Variants in CLIP1 observed in about 807,000 individuals in gnomAD.
CLIP1 encodes CAP-Gly domain-containing linker protein 1.
CLIP1 carries 66 observed loss-of-function variants against 161.6 expected under a neutral mutation model. That is an observed-to-expected ratio of 0.41 (90% confidence interval 0.33 to 0.50). The LOEUF (loss-of-function observed/expected upper bound fraction) is 0.50, where lower values mean the gene tolerates loss of function less well. Among genes scored for constraint, CLIP1 ranks in the 20% least tolerant of loss-of-function variants. The probability of loss-of-function intolerance (pLI) is 0.27; values close to 1 mark genes in which losing one functional copy is unlikely to be tolerated. For missense variants in CLIP1, 1,376 were observed against 1,702.0 expected (o/e 0.81, Z 3.37); for synonymous variants, 598 against 626.2 (o/e 0.96, Z 0.67).
chr12:122,353,396 G>A (rs75692700), intron 7 of CLIP1, among the ~76,000 whole-genome samples: 2,022 of 152,202 alleles, frequency 0.013, 46 homozygotes, highest in African/African-American at 0.041. Context: ...TGAAGCTAAG[G>A]TGGACAGACT....
chr12:122,336,962 G>GTT (rs11433673), intron 11 of CLIP1, among the ~76,000 whole-genome samples: 160 of 144,326 alleles, frequency 1.1e-3, no homozygotes, highest in Admixed American at 2.4e-3. Flanking sequence ...CTATTTTTGT[G>GTT]TTTTTTTTTT....
chr12:122,400,231 T>A (rs1301761627), intron 1 of CLIP1: 1 of 152,036 alleles, frequency 6.6e-6, no homozygotes, highest in African/African-American at 2.4e-5. Flanking sequence ...TATTTCTGTA[T>A]ATACAGAAGA....
chr12:122,292,266 G>C (rs938084529), intron 20 of CLIP1, among the ~76,000 whole-genome samples: 1 of 151,690 alleles, frequency 6.6e-6, no homozygotes, highest in Non-Finnish European at 1.5e-5. Context: ...GCCTCCCAAA[G>C]TACTGGGATT....
intron 2 of CLIP1, 86 bp downstream of exon 2, chr12:122,380,282 G>T: frequency 1.9e-5 from 15 of 771,712 alleles, no homozygotes; most frequent in Non-Finnish European, 2.6e-5. Context: ...TCAAGAATAT[G>T]AACAGATATA....
chr12:122,411,228 C>T (rs1045761430), intron 1 of CLIP1, among the ~76,000 whole-genome samples: 2 of 152,066 alleles, frequency 1.3e-5, no homozygotes, highest in African/African-American at 4.8e-5. Context: ...CAAGCCCAGG[C>T]AACATGGCGA....
At chr12:122,421,215 A>C (rs980379446) in intron 1 of CLIP1, among the ~76,000 whole-genome samples, 1 of 151,724 alleles carries the variant, frequency 6.6e-6, no homozygotes, top group African/African-American at 2.4e-5. Context: ...AAGCTAGCCC[A>C]GAGCCTGGCC....
chr12:122,340,416 C>G (rs1952446450), intron 11 of CLIP1, among the ~76,000 whole-genome samples: 1 of 152,186 alleles, frequency 6.6e-6, no homozygotes. Context: ...CATCTTAACA[C>G]CATAGTGTTA....
Position 122,341,606 on chromosome 12 carries a change from A to G in CLIP1, c.1598T>C (p.Leu533Pro), listed in dbSNP as rs370065017. The change falls in exon 11 of 26, where the codon CTA becomes CCA. Residue 533 changes from leucine to proline, a missense_variant. By Grantham distance (98) the Leu-to-Pro change is moderately conservative (BLOSUM62 -3). This residue lies in a region of CLIP1 where 948 missense variants were observed against 1,134.8 expected (regional missense o/e 0.84). Coordinates refer to ENST00000620786, the MANE Select transcript of CLIP1 (RefSeq NM_001247997.2). ...ATCCCCAGCAGGCTTATTGGACTCT[A>G]GCCTTCTTCGGAGCTCAGCTACTTC... is the stretch of plus-strand genomic sequence containing the variant. ...VQEVAELRRR[L>P]ESNKPAGDVD... 61 of 1,613,524 alleles carry G rather than the reference A, an allele frequency of 3.8e-5. No individual in the cohort carries two copies. Among genetic ancestry groups the G allele is most frequent in the Non-Finnish European group, 4.9e-5 (58 of 1,179,998 alleles).
At chr12:122,306,296 G>C (rs1036349646) in intron 20 of CLIP1, among the ~76,000 whole-genome samples, 1 of 151,944 alleles carries the variant, frequency 6.6e-6, no homozygotes, top group Non-Finnish European at 1.5e-5. Context: ...TATCCTACTA[G>C]TTCTGTCCCT....
At chr12:122,365,376 T>C (rs1021030056) in intron 3 of CLIP1, 14 of 906,332 alleles carry the variant, frequency 1.5e-5, no homozygotes, top group Non-Finnish European at 2.6e-5. Flanking sequence ...CTGTTGGCAT[T>C]GTTGTAAACA....
At chr12:122,350,287 G>T (rs1417113420) in intron 9 of CLIP1, among the ~76,000 whole-genome samples, 2 of 152,144 alleles carry the variant, frequency 1.3e-5, no homozygotes, top group Non-Finnish European at 2.9e-5. Flanking sequence ...GTCTTATGTG[G>T]CAGTAAATCA....
chr12:122,334,058 A>G lies in CLIP1; in HGVS notation c.2679T>C (p.Ser893=), dbSNP rs764059044. The G allele has an allele frequency of 6.2e-6, 10 of 1,613,260 alleles. No homozygotes were observed. The highest frequency in any genetic ancestry group is 8.5e-6 in the Non-Finnish European group (10 of 1,179,304). ...AGTTTTCTCTCAGCTTCTCCAAGTC[A>G]GAAGACAGCATGTTAAACTGTTCCT... is the stretch of plus-strand genomic sequence containing the variant. ...QKEEQFNMLS[S]DLEKLRENLA... Residue 893 remains serine, a synonymous_variant, in exon 14 of 26, where the codon TCT becomes TCC. Coordinates refer to ENST00000620786, the MANE Select transcript of CLIP1 (RefSeq NM_001247997.2).
chr12:122,285,855 G>T (rs956826449), intron 21 of CLIP1, among the ~76,000 whole-genome samples: 8 of 147,516 alleles, frequency 5.4e-5, no homozygotes, highest in Non-Finnish European at 1.1e-4. Context: ...TTACATAAGG[G>T]TTTTTTTTTT....
At chr12:122,319,901 T>G (rs1458007009) in intron 17 of CLIP1, among the ~76,000 whole-genome samples, 1 of 152,178 alleles carries the variant, frequency 6.6e-6, no homozygotes, top group African/African-American at 2.4e-5. Flanking sequence ...TTGTGGGTAA[T>G]GAATAAAAAC....
chr12:122,347,347 T>C (rs1398742102), intron 10 of CLIP1, 28 bp downstream of exon 10: 5 of 1,510,116 alleles, frequency 3.3e-6, no homozygotes, highest in Non-Finnish European at 4.6e-6. Context: ...TGCATGGGTC[T>C]GCTTCATTAA....
chr12:122,339,332 G>A (rs979617894), intron 11 of CLIP1, among the ~76,000 whole-genome samples: 46 of 134,200 alleles, frequency 3.4e-4, no homozygotes, highest in African/African-American at 1.6e-3. Context: ...ATTTATCACA[G>A]CATGGGTTTT....
intron 1 of CLIP1, among the ~76,000 whole-genome samples, chr12:122,390,303 T>TAC (rs1460099334): frequency 1.5e-5 from 2 of 131,432 alleles, no homozygotes; most frequent in South Asian, 2.4e-4. Context: ...TATATATATA[T>TAC]GTATATATAT....
chr12:122,366,421 A>C (rs896905819), intron 3 of CLIP1, among the ~76,000 whole-genome samples: 1 of 152,318 alleles, frequency 6.6e-6, no homozygotes, highest in South Asian at 2.1e-4. Flanking sequence ...CCAAGGCTGC[A>C]GTGAGCCATG....
chr12:122,367,401 TC>T (rs1954222479), intron 3 of CLIP1, among the ~76,000 whole-genome samples: 1 of 152,234 alleles, frequency 6.6e-6, no homozygotes, highest in African/African-American at 2.4e-5. Context: ...AATGTATTTT[TC>T]TTTTCCCTGT....
Sources: allele counts gnomAD v4.1 joint callset (sites outside exome capture counted in the v4.1 genomes callset), GRCh38; gene constraint gnomAD v4.1.1; regional missense constraint gnomAD v4.1.1; transcripts MANE v1.5; gene names NCBI Gene and HGNC (gene_info 2026-07-23, HGNC 2026-07-21).